Variants in KIF6 observed in about 807,000 individuals in gnomAD.
The protein encoded by KIF6 is kinesin family member 6, also known as kinesin-like protein KIF6.
In KIF6, 106 loss-of-function variants were observed where a neutral mutation model predicts 112.7. That is an observed-to-expected ratio of 0.94 (90% CI 0.80 to 1.11). The LOEUF (loss-of-function observed/expected upper bound fraction) is 1.11, where lower values mean the gene tolerates loss of function less well. Ranked by LOEUF, KIF6 falls within the 50% of genes least tolerant of loss-of-function variation. KIF6 has a pLI of 0.00. For missense variants in KIF6, 929 were observed against 964.0 expected (o/e 0.96, Z 0.48); for synonymous variants, 339 against 339.9 (o/e 1.00, Z 0.03).
intron 14 of KIF6, among the ~76,000 whole-genome samples, chr6:39,429,563 C>T (rs1488315021): frequency 6.6e-6 from 1 of 152,140 alleles, no homozygotes; most frequent in African/African-American, 2.4e-5. Flanking sequence ...AATTCTTTCC[C>T]ATCCTGAAAC....
At chr6:39,603,392 G>A (rs2150700710) in intron 6 of KIF6, among the ~76,000 whole-genome samples, 1 of 152,054 alleles carries the variant, frequency 6.6e-6, no homozygotes, top group South Asian at 2.1e-4. Flanking sequence ...CCTCTCCCTG[G>A]CACTGATTCA....
At chr6:39,449,648 T>C (rs1264621275) in intron 13 of KIF6, among the ~76,000 whole-genome samples, 1 of 152,228 alleles carries the variant, frequency 6.6e-6, no homozygotes, top group Non-Finnish European at 1.5e-5. Flanking sequence ...TGAAAACTCC[T>C]CAGAGGCTAA....
chr6:39,404,781 T>C (rs1332978231), intron 15 of KIF6, among the ~76,000 whole-genome samples: 1 of 152,128 alleles, frequency 6.6e-6, no homozygotes, highest in African/African-American at 2.4e-5. Context: ...CGTTCCTATA[T>C]TGAGTCTTTT....
intron 12 of KIF6, 49 bp from the exon 13 acceptor site, chr6:39,540,270 C>G: frequency 8.7e-7 from 1 of 1,155,032 alleles, no homozygotes; most frequent in South Asian, 1.4e-5. Flanking sequence ...TTATAGTAAT[C>G]AAAACACAAA....
At chr6:39,663,002 C>T (rs576555690) in intron 3 of KIF6, among the ~76,000 whole-genome samples, 1 of 152,018 alleles carries the variant, frequency 6.6e-6, no homozygotes, top group South Asian at 2.1e-4. Context: ...TCAATTGATC[C>T]TCCCACTTCA....
intron 3 of KIF6, among the ~76,000 whole-genome samples, chr6:39,668,317 T>A (rs1395868614): frequency 3.3e-5 from 5 of 152,224 alleles, no homozygotes; most frequent in Non-Finnish European, 7.3e-5. Flanking sequence ...GTACCTTAAA[T>A]AATTAAGAGT....
rs570419825 is a variant in KIF6 at position 39,392,842 on chromosome 6, A to C, written c.1811-7170T>G. Among the ~76,000 whole-genome samples the C allele has an allele frequency of 1.3e-5, 2 of 152,378 alleles. 1 individual carries two copies. The highest frequency in any genetic ancestry group is 4.1e-4 in the South Asian group (2 of 4,834). ...GAATGGAGGCAAATGGTAAAGAAGC[A>C]AATGGAGGCAAATGGTAAAGAATGG... On this transcript the variant is annotated intron_variant, in intron 15 of 22. Coordinates refer to ENST00000287152, the MANE Select transcript of KIF6 (RefSeq NM_145027.6).
At chr6:39,421,087 C>T (rs766892079) in intron 14 of KIF6, among the ~76,000 whole-genome samples, 8 of 152,146 alleles carry the variant, frequency 5.3e-5, no homozygotes, top group African/African-American at 1.2e-4. Context: ...GTTAAAGAGA[C>T]AATTGAAAGC....
At chr6:39,593,820 T>C (rs1782086879) in intron 7 of KIF6, among the ~76,000 whole-genome samples, 1 of 152,098 alleles carries the variant, frequency 6.6e-6, no homozygotes, top group African/African-American at 2.4e-5. Context: ...CATCTTCAAC[T>C]CTCACCTCCT....
At chr6:39,606,782 T>A (rs983925999) in intron 6 of KIF6, among the ~76,000 whole-genome samples, 1 of 152,198 alleles carries the variant, frequency 6.6e-6, no homozygotes, top group African/African-American at 2.4e-5. Context: ...TTAGAATGAA[T>A]ATCTATATAA....
chr6:39,415,020 C>T (rs1769799298), intron 15 of KIF6, among the ~76,000 whole-genome samples: 1 of 151,904 alleles, frequency 6.6e-6, no homozygotes, highest in Non-Finnish European at 1.5e-5. Context: ...AACCCTGTCT[C>T]TACTAAAAAT....
chr6:39,398,719 T>G (rs745319247), intron 15 of KIF6, among the ~76,000 whole-genome samples: 4 of 152,226 alleles, frequency 2.6e-5, no homozygotes, highest in Non-Finnish European at 5.9e-5. Context: ...GGGTGCTTCT[T>G]TAGCAGAACT....
intron 4 of KIF6, 92 bp from the exon 5 acceptor site, chr6:39,635,050 A>C (rs1417336948): frequency 4.2e-6 from 3 of 719,720 alleles, no homozygotes; most frequent in Non-Finnish European, 7.4e-6. Flanking sequence ...GTTTCCTCAT[A>C]GTTTCTCTCT....
Position 39,336,355 on chromosome 6 carries a change from G to T in KIF6, c.*177C>A. 3 of 630,206 alleles carry T rather than the reference G, an allele frequency of 4.8e-6. No homozygotes were observed. Among genetic ancestry groups the T allele is most frequent in the Non-Finnish European group, 8.4e-6 (3 of 358,234 alleles). 39.0% of individuals were successfully genotyped at this position (630,206 alleles called of 1,614,324 possible). A position where few individuals can be genotyped will look rare whatever the true frequency, so the allele number is the denominator to read the frequency against. The stretch of plus-strand genomic sequence containing the variant: ...TGGTCAGCCCCAGCCCCAGCCTCTC[G>T]GTGGCCTCCAGGTCAGCATCCTTAA... On this transcript the variant is annotated 3_prime_UTR_variant, in exon 23 of 23. Transcript: ENST00000287152.
chr6:39,509,774 C>T (rs555427067), intron 13 of KIF6, among the ~76,000 whole-genome samples: 225 of 152,242 alleles, frequency 1.5e-3, no homozygotes, highest in African/African-American at 4.2e-3. Flanking sequence ...CTGAAAGTGA[C>T]GGGGAGAATG....
chr6:39,358,602 C>G (rs545091583), intron 18 of KIF6, among the ~76,000 whole-genome samples: 1 of 152,186 alleles, frequency 6.6e-6, no homozygotes, highest in Admixed American at 6.5e-5. Flanking sequence ...GTGGTGGACT[C>G]CCTCGGGCAC....
intron 5 of KIF6, chr6:39,617,749 G>A (rs1362148971): frequency 1.1e-5 from 5 of 455,450 alleles, no homozygotes; most frequent in Non-Finnish European, 2.2e-5. Flanking sequence ...CAGACTAGAG[G>A]CCATTCCGTC....
chr6:39,519,376 A>G (rs1462596044), intron 13 of KIF6, among the ~76,000 whole-genome samples: 2 of 152,228 alleles, frequency 1.3e-5, no homozygotes. Flanking sequence ...CTAAGCATTG[A>G]CAATAAATAT....
Position 39,336,500 on chromosome 6 carries a change from G to A in KIF6, c.*32C>T. On this transcript the variant is annotated 3_prime_UTR_variant, in exon 23 of 23. Coordinates refer to ENST00000287152, the MANE Select transcript of KIF6 (RefSeq NM_145027.6). ...CTTCATCTGTGCTTCATTCTTGCTG[G>A]CATAATTCATGGATGGATATTTCCT... 1 of 1,608,608 alleles carries A rather than the reference G, an allele frequency of 6.2e-7. No homozygotes were observed. Among genetic ancestry groups the A allele is most frequent in the Non-Finnish European group, 8.5e-7 (1 of 1,175,044 alleles).
Sources: allele counts gnomAD v4.1 joint callset (sites outside exome capture counted in the v4.1 genomes callset), GRCh38; gene constraint gnomAD v4.1.1; transcripts MANE v1.5; gene names NCBI Gene and HGNC (gene_info 2026-07-23, HGNC 2026-07-21).